Variants in CSMD1 observed in about 807,000 individuals in gnomAD.
CSMD1 encodes CUB and sushi domain-containing protein 1.
CSMD1 carries 213 observed loss-of-function variants against 417.5 expected under a neutral mutation model. That is an observed-to-expected ratio of 0.51 (90% CI 0.46 to 0.57). The LOEUF (loss-of-function observed/expected upper bound fraction) is 0.57, where lower values mean the gene tolerates loss of function less well. CSMD1 is among the 20% of genes least tolerant of loss of function. CSMD1 has a pLI of 0.00. For synonymous variants in CSMD1, 2,862 were observed against 1,736.8 expected (o/e 1.65, Z -16.11); for missense variants, 6,923 against 4,529.7 (o/e 1.53, Z -15.17).
intron 6 of CSMD1, among the ~76,000 whole-genome samples, chr8:3,736,773 C>G (rs1796543686): frequency 6.6e-6 from 1 of 152,222 alleles, no homozygotes; most frequent in Admixed American, 6.5e-5. Context: ...CGTTTTGCCT[C>G]AGATCCTCAT....
At chr8:4,420,760 C>A (rs968819699) in intron 2 of CSMD1, among the ~76,000 whole-genome samples, 5 of 152,244 alleles carry the variant, frequency 3.3e-5, no homozygotes, top group Non-Finnish European at 2.9e-5. Flanking sequence ...AATGCTGACA[C>A]AGCTCTGTGA....
chr8:4,898,553 C>A (rs1804656043), intron 1 of CSMD1, among the ~76,000 whole-genome samples: 2 of 152,258 alleles, frequency 1.3e-5, no homozygotes, highest in South Asian at 4.1e-4. Context: ...TCTTTTAAAT[C>A]CAAGGGTGAG....
chr8:4,182,852 A>G (rs1798454284), intron 3 of CSMD1, among the ~76,000 whole-genome samples: 1 of 152,204 alleles, frequency 6.6e-6, no homozygotes, highest in Non-Finnish European at 1.5e-5. Flanking sequence ...TTGAGACAGA[A>G]ATTAATAGCA....
chr8:3,746,650 A>T (rs1797077583), intron 6 of CSMD1, among the ~76,000 whole-genome samples: 2 of 152,216 alleles, frequency 1.3e-5, no homozygotes. Context: ...TCTTAAATTT[A>T]TTCTCTTGTT....
chr8:4,453,866 C>G (rs147623659), intron 2 of CSMD1, among the ~76,000 whole-genome samples: 17,254 of 139,958 alleles, frequency 0.12, 1,203 homozygotes, highest in South Asian at 0.21. Flanking sequence ...CTGTCACCCA[C>G]GCTGGAGTGC....
At chr8:4,709,175 T>C (rs1015840604) in intron 1 of CSMD1, among the ~76,000 whole-genome samples, 1 of 152,186 alleles carries the variant, frequency 6.6e-6, no homozygotes, top group African/African-American at 2.4e-5. Flanking sequence ...GTTTGATGCA[T>C]AGCTCAGCTC....
Position 2,938,604 on chromosome 8 carries a change from G to A in CSMD1, c.10676C>T (p.Thr3559Ile), listed in dbSNP as rs1396703728. 2 of 1,612,192 alleles carry A rather than the reference G, an allele frequency of 1.2e-6. No individual in the cohort carries two copies. The highest frequency in any genetic ancestry group is 1.7e-6 in the Non-Finnish European group (2 of 1,179,196). The change falls in exon 70 of 70, where the codon ACA becomes ATA. Residue 3559 changes from threonine to isoleucine, a missense_variant. Transcript: ENST00000635120. ...TGAGGGCTATACCACTGTACAGACT[G>A]TGTTCAGAGTTGTGTCAAACCTCAC... Reference protein sequence around the residue: ...KAVRFDTTLNTVCTVV With the variant: ...KAVRFDTTLNIVCTVV
At chr8:4,122,719 T>C (rs907251836) in intron 3 of CSMD1, among the ~76,000 whole-genome samples, 2 of 152,120 alleles carry the variant, frequency 1.3e-5, no homozygotes, top group Admixed American at 6.6e-5. Context: ...ACCCAGGATT[T>C]TTTCCTAGAA....
At chr8:3,474,370 C>T (rs564841225) in intron 11 of CSMD1, among the ~76,000 whole-genome samples, 3 of 152,064 alleles carry the variant, frequency 2.0e-5, no homozygotes, top group Admixed American at 6.5e-5. Context: ...TGACCTCTCT[C>T]GGGGGAAGAG....
At chr8:4,124,621 G>A (rs1223371932) in intron 3 of CSMD1, among the ~76,000 whole-genome samples, 1 of 152,288 alleles carries the variant, frequency 6.6e-6, no homozygotes, top group East Asian at 1.9e-4. Context: ...CGCACAGCCA[G>A]ACCTCACTGG....
chr8:3,085,457 C>A (rs1417113609), intron 49 of CSMD1, among the ~76,000 whole-genome samples: 1 of 152,184 alleles, frequency 6.6e-6, no homozygotes, highest in Admixed American at 6.5e-5. Flanking sequence ...TCTAACTCTT[C>A]TTCCAAAACA....
chr8:4,175,701 G>C (rs1251907586), intron 3 of CSMD1, among the ~76,000 whole-genome samples: 2 of 151,958 alleles, frequency 1.3e-5, no homozygotes, highest in Non-Finnish European at 2.9e-5. Context: ...CTCACAGAAG[G>C]GAGAATTTTA....
chr8:3,774,523 G>C (rs1462686535), intron 5 of CSMD1, among the ~76,000 whole-genome samples: 1 of 152,158 alleles, frequency 6.6e-6, no homozygotes, highest in Non-Finnish European at 1.5e-5. Flanking sequence ...CTGAATACAT[G>C]AATTGGTATT....
intron 3 of CSMD1, among the ~76,000 whole-genome samples, chr8:4,326,640 G>C (rs1327283846): frequency 1.3e-5 from 2 of 152,124 alleles, no homozygotes; most frequent in African/African-American, 4.8e-5. Context: ...TAGGATAAAA[G>C]CATCTACCCA....
intron 5 of CSMD1, among the ~76,000 whole-genome samples, chr8:3,949,467 G>A (rs1207239582): frequency 6.6e-6 from 1 of 152,142 alleles, no homozygotes; most frequent in Non-Finnish European, 1.5e-5. Flanking sequence ...TACATTTTAA[G>A]CACCAATACT....
intron 2 of CSMD1, among the ~76,000 whole-genome samples, chr8:4,532,948 G>A (rs1395721044): frequency 1.3e-5 from 2 of 151,706 alleles, no homozygotes; most frequent in Admixed American, 6.6e-5. Flanking sequence ...CAGTCACTCC[G>A]GAAGAGAAAT....
At chr8:4,625,006 G>A (rs11136758) in intron 2 of CSMD1, among the ~76,000 whole-genome samples, 36,607 of 152,068 alleles carry the variant, frequency 0.24, 5,161 homozygotes, top group Admixed American at 0.45. Context: ...TATTCAGCGT[G>A]CTTGCCGCTT....
chr8:3,609,629 G>C (rs894835314), intron 8 of CSMD1, among the ~76,000 whole-genome samples: 1 of 151,558 alleles, frequency 6.6e-6, no homozygotes, highest in Non-Finnish European at 1.5e-5. Flanking sequence ...ACAGCCCCAA[G>C]TTACATATTT....
intron 3 of CSMD1, among the ~76,000 whole-genome samples, chr8:4,296,799 A>G (rs1278881631): frequency 1.3e-5 from 2 of 150,882 alleles, no homozygotes; most frequent in African/African-American, 4.9e-5. Flanking sequence ...AAATGAATAG[A>G]AAATGTGATT....
Sources: gnomAD v4.1 joint callset for allele counts (sites outside exome capture counted in the v4.1 genomes callset) on GRCh38, gnomAD v4.1.1 for gene constraint, MANE v1.5 for transcripts, NCBI Gene and HGNC (gene_info 2026-07-23, HGNC 2026-07-21) for gene names.